The following UGCG variants were observed in gnomAD, a reference collection of about 807,000 sequenced individuals.
UGCG encodes the protein ceramide glucosyltransferase.
A neutral mutation model predicts 49.5 loss-of-function variants in UGCG; 10 were observed. The observed-to-expected ratio is 0.20, with a 90% CI of 0.12 to 0.34. The LOEUF (loss-of-function observed/expected upper bound fraction) is 0.34, where lower values mean the gene tolerates loss of function less well. Among genes scored for constraint, UGCG ranks in the 10% least tolerant of loss-of-function variants. The pLI, the probability that UGCG is intolerant of heterozygous loss-of-function variation, is 1.00. For missense variants in UGCG, 312 were observed against 483.7 expected (o/e 0.65, Z 3.33); for synonymous variants, 182 against 158.2 (o/e 1.15, Z -1.13).
In UGCG at chr9:111,925,415, T is replaced by C. The variant is rs10981159; in HGVS notation, c.445+537T>C. Reference sequence around the variant, plus strand: ...TCTATAATATTTTCTTATATTCTAATTGCCTTAAGCTTCTCAACCCCAATA... The same window carrying C: ...TCTATAATATTTTCTTATATTCTAACTGCCTTAAGCTTCTCAACCCCAATA... On this transcript the variant is annotated intron_variant, in intron 4 of 8. Coordinates refer to ENST00000374279, the MANE Select transcript of UGCG (RefSeq NM_003358.3). Among the ~76,000 whole-genome samples the C allele has an allele frequency of 3.9e-4, 60 of 152,378 alleles. 1 individual carries two copies. The East Asian group carries it at 0.011, about 28-fold the overall frequency.
chr9:111,920,158 G>A (rs919188274), intron 2 of UGCG, among the ~76,000 whole-genome samples: 10 of 152,026 alleles, frequency 6.6e-5, no homozygotes, highest in Admixed American at 2.0e-4. Context: ...GGCAATTTTC[G>A]TCAGTCATCA....
chr9:111,929,398 A>T, intron 5 of UGCG, 102 bp from the exon 6 acceptor site: 1 of 1,182,430 alleles, frequency 8.5e-7, no homozygotes. Context: ...TAAGATATTC[A>T]CTCAATCATA....
At chr9:111,924,744 A>C (rs768699717) in intron 3 of UGCG, 33 bp from the exon 4 acceptor site, 3 of 1,206,444 alleles carry the variant, frequency 2.5e-6, no homozygotes, top group Admixed American at 5.4e-5. Context: ...AATGTTGCAT[A>C]AATCTTTTAC....
chr9:111,931,124 C>G, intron 6 of UGCG, 147 bp from the exon 7 acceptor site: 3 of 683,814 alleles, frequency 4.4e-6, no homozygotes, highest in Admixed American at 5.8e-5. Flanking sequence ...GTATGGTAGA[C>G]CTTAAGTCAT....
chr9:111,918,532 G>A (rs186034499), intron 2 of UGCG, among the ~76,000 whole-genome samples: 179 of 152,250 alleles, frequency 1.2e-3, no homozygotes, highest in African/African-American at 4.3e-3. Context: ...ATTTGAGTCT[G>A]AACTTTTTTT....
At chr9:111,926,774 A>G (rs560795266) in intron 5 of UGCG, among the ~76,000 whole-genome samples, 1 of 143,106 alleles carries the variant, frequency 7.0e-6, no homozygotes. Context: ...GCCTTGTAGT[A>G]TTCACTTCCT....
chr9:111,900,482 G>A (rs1406077597), intron 1 of UGCG, among the ~76,000 whole-genome samples: 1 of 150,256 alleles, frequency 6.7e-6, no homozygotes, highest in Non-Finnish European at 1.5e-5. Flanking sequence ...GTATATGTGT[G>A]TGTGTGTGTG....
At chr9:111,932,685 A>G in intron 8 of UGCG, 142 bp from the exon 9 acceptor site, 2 of 756,918 alleles carry the variant, frequency 2.6e-6, no homozygotes, top group Non-Finnish European at 4.2e-6. Flanking sequence ...GAACGGTATA[A>G]CATGGCAGTT....
At chr9:111,900,972 A>G (rs1837759101) in intron 1 of UGCG, among the ~76,000 whole-genome samples, 1 of 151,918 alleles carries the variant, frequency 6.6e-6, no homozygotes, top group Admixed American at 6.6e-5. Context: ...CAGCCTCCCA[A>G]GTAGCTGGGA....
chr9:111,898,241 A>G (rs1337948603), intron 1 of UGCG, among the ~76,000 whole-genome samples: 2 of 152,072 alleles, frequency 1.3e-5, no homozygotes, highest in African/African-American at 4.8e-5. Context: ...AAATGAAAAA[A>G]TTATATAGAG....
At chr9:111,907,584 G>GT (rs1362378029) in intron 1 of UGCG, among the ~76,000 whole-genome samples, 1 of 149,438 alleles carries the variant, frequency 6.7e-6, no homozygotes, top group African/African-American at 2.5e-5. Flanking sequence ...GGATGTTTTT[G>GT]TTTTTCTGGA....
intron 2 of UGCG, among the ~76,000 whole-genome samples, chr9:111,917,900 A>G (rs1838137656): frequency 6.6e-6 from 1 of 152,248 alleles, no homozygotes; most frequent in Non-Finnish European, 1.5e-5. Flanking sequence ...GTAATAGTCA[A>G]TAATCTGCGT....
chr9:111,922,861 C>T lies in UGCG; in HGVS notation c.253C>T (p.Leu85Phe), dbSNP rs771961963. 13 of 1,610,258 alleles carry T rather than the reference C, an allele frequency of 8.1e-6. No homozygotes were observed. The highest frequency in any genetic ancestry group is 1.1e-5 in the Non-Finnish European group (13 of 1,178,378). ...GCTTTTTGACTAGTATGAAGTGCTCCTTTGTGTACAAGATCATGATGATCC... is the reference window on the plus strand; with the variant it reads ...GCTTTTTGACTAGTATGAAGTGCTCTTTTGTGTACAAGATCATGATGATCC... ...ELDYPKYEVL[L>F]CVQDHDDPAI... Residue 85 changes from leucine (L) to phenylalanine (F), a missense_variant, in exon 3 of 9, where the codon CTT becomes TTT. Physicochemically the swap from Leu to Phe is conservative, Grantham distance 22. Around this residue, in one of 4 missense-constraint regions of UGCG, gnomAD observed 64 missense variants for 67.6 expected, o/e 0.95. Coordinates refer to ENST00000374279, the MANE Select transcript of UGCG (RefSeq NM_003358.3).
intron 3 of UGCG, among the ~76,000 whole-genome samples, chr9:111,923,640 T>G (rs1327617533): frequency 6.6e-6 from 1 of 152,110 alleles, no homozygotes. Context: ...TTTGGTTTTT[T>G]TTTTCTTTGA....
Position 111,924,758 on chromosome 9 carries a change from T to C in UGCG, c.344-19T>C, listed in dbSNP as rs759921168. The C allele has an allele frequency of 3.6e-5, 49 of 1,373,438 alleles. No individual in the cohort carries two copies. The East Asian group carries it at 1.2e-3, about 33-fold the overall frequency. 85.1% of individuals were successfully genotyped at this position (1,373,438 alleles called of 1,614,324 possible). ...TAATGTTGCATAAATCTTTTACTAC[T>C]GTACCTTTACATTTTTAGGTGGCAA... is the stretch of plus-strand genomic sequence containing the variant. On this transcript the variant is annotated intron_variant, in intron 3 of 8. Transcript: ENST00000374279.
At chr9:111,918,674 C>A (rs1431054870) in intron 2 of UGCG, among the ~76,000 whole-genome samples, 2 of 152,150 alleles carry the variant, frequency 1.3e-5, no homozygotes, top group Admixed American at 6.5e-5. Flanking sequence ...TGGCTCACGC[C>A]TGTAATCCCA....
At chr9:111,907,634 T>A in intron 1 of UGCG, among the ~76,000 whole-genome samples, 1 of 151,326 alleles carries the variant, frequency 6.6e-6, no homozygotes. Flanking sequence ...CTTTCTTTTT[T>A]TTTTTTTTGA....
chr9:111,909,734 TTAATG>T lies in UGCG; in HGVS notation c.99-4870_99-4866del, dbSNP rs386737639. 8.9e-3 allele frequency among the ~76,000 whole-genome samples: 1,362 copies of T among 152,382 alleles called. 20 individuals are homozygous for T. Among genetic ancestry groups the T allele is most frequent in the African/African-American group, 0.03 (1,245 of 41,588 alleles). ...AGAGGTGTTTTGTTTATTTGGTGAC[TTAATG>T]GATATTCTTCTATTGTTTTGACAAA... On this transcript the variant is annotated intron_variant, in intron 1 of 8. Transcript: ENST00000374279.
intron 1 of UGCG, among the ~76,000 whole-genome samples, chr9:111,910,525 C>T (rs566291764): frequency 3.9e-5 from 6 of 152,218 alleles, no homozygotes; most frequent in South Asian, 4.1e-4. Flanking sequence ...ATTGTGAGTA[C>T]GTAAGATTCT....
Sources: gnomAD v4.1 joint callset for allele counts (sites outside exome capture counted in the v4.1 genomes callset) on GRCh38, gnomAD v4.1.1 for gene constraint, gnomAD v4.1.1 regional missense constraint, MANE v1.5 for transcripts, NCBI Gene and HGNC (gene_info 2026-07-23, HGNC 2026-07-21) for gene names.